The following CLASP1 variants were observed in gnomAD, a reference collection of about 807,000 sequenced individuals.
CLASP1 encodes the protein cytoplasmic linker associated protein 1.
A neutral mutation model predicts 192.3 loss-of-function variants in CLASP1; 38 were observed. The ratio of observed to expected loss-of-function variants is 0.20; its 90% CI spans 0.15 to 0.26. The LOEUF (loss-of-function observed/expected upper bound fraction) is 0.26. Among genes scored for constraint, CLASP1 ranks in the 10% least tolerant of loss-of-function variants. CLASP1 has a pLI of 1.00. For synonymous variants in CLASP1, 691 were observed against 712.8 expected (o/e 0.97, Z 0.49); for missense variants, 1,433 against 1,932.5 (o/e 0.74, Z 4.85).
intron 2 of CLASP1, chr2:121,530,973 A>C: frequency 2.9e-6 from 2 of 700,328 alleles, no homozygotes; most frequent in Non-Finnish European, 5.2e-6. Context: ...CATCAACTAG[A>C]GCTTTTGCTT....
chr2:121,536,166 A>G (rs1444338973), intron 2 of CLASP1, among the ~76,000 whole-genome samples: 20 of 150,938 alleles, frequency 1.3e-4, no homozygotes, highest in East Asian at 6.0e-4. Flanking sequence ...CAGATCACGA[A>G]GTCAGGAGAT....
At chr2:121,528,420 G>A (rs898540496) in intron 4 of CLASP1, among the ~76,000 whole-genome samples, 2 of 152,232 alleles carry the variant, frequency 1.3e-5, no homozygotes, top group Non-Finnish European at 2.9e-5. Flanking sequence ...GAGCTGAAGA[G>A]TCTAATGGAT....
chr2:121,480,177 T>C (rs756798178), intron 8 of CLASP1, among the ~76,000 whole-genome samples: 1 of 152,288 alleles, frequency 6.6e-6, no homozygotes, highest in Non-Finnish European at 1.5e-5. Flanking sequence ...TTACTAGTCC[T>C]TCACAAAGGG....
intron 2 of CLASP1, among the ~76,000 whole-genome samples, chr2:121,548,928 T>C (rs1438303511): frequency 6.6e-6 from 1 of 152,152 alleles, no homozygotes; most frequent in East Asian, 1.9e-4. Flanking sequence ...GAGCACTAAA[T>C]GTATTAATAT....
chr2:121,490,910 C>T (rs187194354), intron 8 of CLASP1, among the ~76,000 whole-genome samples: 20 of 152,252 alleles, frequency 1.3e-4, no homozygotes, highest in African/African-American at 4.6e-4. Flanking sequence ...GGCACCTGAT[C>T]CACTTATTCA....
intron 8 of CLASP1, among the ~76,000 whole-genome samples, chr2:121,471,652 G>T (rs2090756877): frequency 6.6e-6 from 1 of 151,900 alleles, no homozygotes; most frequent in African/African-American, 2.4e-5. Flanking sequence ...CAAATTACAT[G>T]GTTCAGTTTA....
chr2:121,595,890 A>G (rs1426500571), intron 2 of CLASP1, among the ~76,000 whole-genome samples: 1 of 152,372 alleles, frequency 6.6e-6, no homozygotes, highest in Middle Eastern at 3.4e-3. Flanking sequence ...CATGCTACAT[A>G]TTAAAAGCAC....
intron 2 of CLASP1, chr2:121,531,049 TAATTCGTAAATA>T (rs1262730383): frequency 4.3e-6 from 3 of 697,728 alleles, no homozygotes; most frequent in Non-Finnish European, 7.8e-6. Flanking sequence ...CAAACAGCAG[TAATTCGTAAATA>T]AACTAGTACT....
At chr2:121,438,192 T>C (rs916659558) in intron 19 of CLASP1, among the ~76,000 whole-genome samples, 33 of 152,320 alleles carry the variant, frequency 2.2e-4, no homozygotes, top group African/African-American at 7.7e-4. Context: ...TAATGTTTGT[T>C]CCTGGCAGGC....
At chr2:121,603,307 A>G (rs781068100) in intron 2 of CLASP1, 9 of 152,186 alleles carry the variant, frequency 5.9e-5, no homozygotes, top group Non-Finnish European at 1.2e-4. Context: ...CCAATGGCCA[A>G]CAAATATATG....
intron 11 of CLASP1, among the ~76,000 whole-genome samples, chr2:121,460,731 A>G (rs568160838): frequency 1.5e-4 from 23 of 152,300 alleles, no homozygotes; most frequent in Admixed American, 1.5e-3. Context: ...ACAACTTTCT[A>G]GCAAGTGATA....
intron 19 of CLASP1, among the ~76,000 whole-genome samples, chr2:121,444,436 A>AT (rs1371870467): frequency 6.6e-6 from 1 of 152,144 alleles, no homozygotes; most frequent in African/African-American, 2.4e-5. Context: ...AGAAAAATAT[A>AT]TTTTTTTATT....
chr2:121,448,857 A>G, intron 17 of CLASP1, 96 bp downstream of exon 17: 2 of 1,228,382 alleles, frequency 1.6e-6, no homozygotes, highest in Non-Finnish European at 2.3e-6. Flanking sequence ...TTTAACAAGC[A>G]CCCATGTAAA....
chr2:121,384,134 G>GTA (rs770390098), intron 32 of CLASP1, among the ~76,000 whole-genome samples: 51 of 96,488 alleles, frequency 5.3e-4, no homozygotes, highest in African/African-American at 1.2e-3. Context: ...ACATATATAT[G>GTA]TATATATATA....
intron 9 of CLASP1, among the ~76,000 whole-genome samples, chr2:121,467,810 A>C (rs1332740371): frequency 1.3e-5 from 2 of 152,024 alleles, no homozygotes; most frequent in Non-Finnish European, 2.9e-5. Context: ...TCCATTTGTC[A>C]ATTTTTGCTT....
chr2:121,521,816 A>AAGTGC (rs2094463688), intron 6 of CLASP1, among the ~76,000 whole-genome samples: 1 of 152,186 alleles, frequency 6.6e-6, no homozygotes, highest in Non-Finnish European at 1.5e-5. Flanking sequence ...TCAGGTGTCT[A>AAGTGC]AGTGCAGAGA....
At chr2:121,371,223 A>G (rs536654024) in intron 34 of CLASP1, among the ~76,000 whole-genome samples, 18 of 144,488 alleles carry the variant, frequency 1.2e-4, no homozygotes, top group African/African-American at 4.2e-4. Context: ...GTGTGTGTAT[A>G]TATACATATA....
At chr2:121,608,194 A>T (rs934684997) in intron 1 of CLASP1, among the ~76,000 whole-genome samples, 1 of 152,202 alleles carries the variant, frequency 6.6e-6, no homozygotes, top group Non-Finnish European at 1.5e-5. Context: ...ATGTTGGACT[A>T]AAGAAGGTAT....
At chr2:121,417,286 A>G (rs545413142) in intron 23 of CLASP1, among the ~76,000 whole-genome samples, 3 of 152,236 alleles carry the variant, frequency 2.0e-5, no homozygotes, top group Non-Finnish European at 2.9e-5. Flanking sequence ...AGTATCAAAA[A>G]TAACAGTACA....
Sources: gnomAD v4.1 joint callset for allele counts (sites outside exome capture counted in the v4.1 genomes callset) on GRCh38, gnomAD v4.1.1 for gene constraint, MANE v1.5 for transcripts, NCBI Gene and HGNC (gene_info 2026-07-23, HGNC 2026-07-21) for gene names.